OSBPL6: variants seen among roughly 807,000 people sequenced by gnomAD.
OSBPL6 encodes oxysterol binding protein like 6, also known as oxysterol-binding protein-related protein 6.
A neutral mutation model predicts 125.8 loss-of-function variants in OSBPL6; 49 were observed. The ratio of observed to expected loss-of-function variants is 0.39; its 90% CI spans 0.31 to 0.49. The LOEUF (loss-of-function observed/expected upper bound fraction) is 0.49. OSBPL6 is among the 20% of genes least tolerant of loss of function. The pLI is 0.88. For missense variants in OSBPL6, 986 were observed against 1,135.4 expected (o/e 0.87, Z 1.89); for synonymous variants, 394 against 391.8 (o/e 1.01, Z -0.07).
At chr2:178,338,274 G>T (rs935614056) in intron 9 of OSBPL6, among the ~76,000 whole-genome samples, 6 of 149,146 alleles carry the variant, frequency 4.0e-5, no homozygotes, top group African/African-American at 1.5e-4. Flanking sequence ...TTAAAGGTCA[G>T]TTTTTTTTTT....
At chr2:178,290,648 T>G (rs1685171963) in intron 2 of OSBPL6, among the ~76,000 whole-genome samples, 3 of 152,166 alleles carry the variant, frequency 2.0e-5, no homozygotes, top group Admixed American at 2.0e-4. Flanking sequence ...TGACTCTACT[T>G]TTTGATACAA....
Position 178,385,589 on chromosome 2 carries a change from G to A in OSBPL6, c.2077+68G>A, listed in dbSNP as rs143612974. The A allele has an allele frequency of 7.0e-4, 830 of 1,188,926 alleles. 3 individuals carry two copies. The African/African-American group carries it at 0.011, about 16-fold the overall frequency. 73.6% of individuals were successfully genotyped at this position (1,188,926 alleles called of 1,614,324 possible). On this transcript the variant is annotated intron_variant, in intron 19 of 24. Transcript: ENST00000190611. ...ATGAAAAAATATCTGGCTTCCAAAG[G>A]GACACTGTATTCAGTTTAGATTTCT...
At chr2:178,338,076 G>A (rs549361033) in intron 9 of OSBPL6, among the ~76,000 whole-genome samples, 67 of 151,862 alleles carry the variant, frequency 4.4e-4, no homozygotes, top group African/African-American at 1.5e-3. Context: ...TGAGTAGCTG[G>A]GATTACAGGC....
intron 4 of OSBPL6, 72 bp downstream of exon 4, chr2:178,324,341 C>A (rs1688511078): frequency 2.7e-6 from 3 of 1,129,826 alleles, no homozygotes; most frequent in Non-Finnish European, 3.9e-6. Context: ...CTGTGAATAA[C>A]GTTTACACCT....
chr2:178,195,678 G>C (rs1196214303), intron 1 of OSBPL6, among the ~76,000 whole-genome samples: 1 of 152,182 alleles, frequency 6.6e-6, no homozygotes, highest in Non-Finnish European at 1.5e-5. Context: ...GAAACTAAGT[G>C]AACCCACTGG....
chr2:178,384,681 ATCAGATATGCATC>A (rs781098056), intron 18 of OSBPL6, among the ~76,000 whole-genome samples: 3 of 152,154 alleles, frequency 2.0e-5, no homozygotes, highest in Non-Finnish European at 2.9e-5. Context: ...AGAGGAAGTA[ATCAGATATGCATC>A]TCTCTCAGGT....
At chr2:178,361,882 A>T in intron 13 of OSBPL6, 67 bp downstream of exon 13, 1 of 1,585,000 alleles carries the variant, frequency 6.3e-7, no homozygotes, top group Non-Finnish European at 8.6e-7. Flanking sequence ...AAAGATCAAA[A>T]GATGGGGGGC....
intron 15 of OSBPL6, among the ~76,000 whole-genome samples, chr2:178,376,818 G>T (rs1022394530): frequency 3.3e-5 from 5 of 152,122 alleles, no homozygotes; most frequent in Admixed American, 3.3e-4. Flanking sequence ...CAAGGAGAGT[G>T]ACTCTCTCCT....
intron 1 of OSBPL6, among the ~76,000 whole-genome samples, chr2:178,242,862 T>A (rs2091345144): frequency 6.6e-6 from 1 of 152,074 alleles, no homozygotes; most frequent in Non-Finnish European, 1.5e-5. Context: ...AAAATTGTTT[T>A]CACAAGACAG....
chr2:178,333,838 A>G (rs1333337146), intron 8 of OSBPL6, among the ~76,000 whole-genome samples: 2 of 152,216 alleles, frequency 1.3e-5, no homozygotes, highest in East Asian at 3.8e-4. Context: ...CAGCCTATTT[A>G]AGTGGTCAGG....
intron 2 of OSBPL6, among the ~76,000 whole-genome samples, chr2:178,303,271 G>A (rs543377836): frequency 6.6e-6 from 1 of 152,258 alleles, no homozygotes; most frequent in Non-Finnish European, 1.5e-5. Flanking sequence ...CTCCCAGTTT[G>A]GAGGGAAAGT....
rs543279868 is a variant in OSBPL6, at chr2:178,308,602, A to C, written c.102+2316A>C. 3.9e-5 allele frequency among the ~76,000 whole-genome samples: 6 copies of C among 152,298 alleles called. No homozygotes were observed. The South Asian group carries it at 1.2e-3, about 32-fold the overall frequency. ...AACTAATGAATGATTGAGCATTTCT[A>C]CTTAAATGCACTGCCGCTTGAGTGG... On this transcript the variant is annotated intron_variant, in intron 3 of 24. Transcript: ENST00000190611.
intron 1 of OSBPL6, among the ~76,000 whole-genome samples, chr2:178,227,640 G>T (rs564266403): frequency 2.0e-5 from 3 of 151,982 alleles, no homozygotes; most frequent in African/African-American, 7.3e-5. Flanking sequence ...ACGAAATAAC[G>T]GCAACATAGA....
chr2:178,290,102 AT>A lies in OSBPL6; in HGVS notation c.-156+4983del, dbSNP rs376105485. Among the ~76,000 whole-genome samples, 82 of 152,254 alleles carry A rather than the reference AT, an allele frequency of 5.4e-4. 2 individuals carry two copies. The South Asian group carries it at 9.8e-3, about 18-fold the overall frequency. On this transcript the variant is annotated intron_variant, in intron 2 of 24. Transcript: ENST00000190611. Reference sequence around the variant, plus strand: ...CAGCCAATAATCATTGCCTGAATACATTATGTCATTAGGGGTTATAAAAATG... The same window carrying A: ...CAGCCAATAATCATTGCCTGAATACATATGTCATTAGGGGTTATAAAAATG...
chr2:178,285,465 C>T (rs1055981483), intron 2 of OSBPL6, among the ~76,000 whole-genome samples: 2 of 152,126 alleles, frequency 1.3e-5, no homozygotes, highest in African/African-American at 2.4e-5. Flanking sequence ...TCCTTGCTTT[C>T]TTTATACACA....
chr2:178,259,515 A>G (rs2091990638), intron 1 of OSBPL6, among the ~76,000 whole-genome samples: 1 of 152,234 alleles, frequency 6.6e-6, no homozygotes, highest in African/African-American at 2.4e-5. Context: ...TCAACAGTCG[A>G]ATTGGATCCA....
At position 178,392,461 on chromosome 2, in the gene OSBPL6, T is replaced by C. The variant is rs775754441; in HGVS notation, c.2496T>C (p.Ala832=). 1 of 1,614,132 alleles carries C rather than the reference T, an allele frequency of 6.2e-7. No homozygotes were observed. The highest frequency in any genetic ancestry group is 1.1e-5 in the South Asian group (1 of 91,078). The part of the protein sequence containing the change: ...YELYYGFTRF[A]IELNELDPVL... ...TGTACTATGGCTTCACAAGGTTTGC[T>C]ATTGAGCTCAATGAGTTAGATCCAG... Residue 832 remains alanine, a synonymous_variant, in exon 23 of 25, where the codon GCT becomes GCC. Transcript: ENST00000190611.
intron 12 of OSBPL6, among the ~76,000 whole-genome samples, chr2:178,360,419 C>T (rs553005209): frequency 5.2e-4 from 79 of 152,174 alleles, no homozygotes; most frequent in African/African-American, 1.8e-3. Context: ...TAATTTGTTC[C>T]ACCACAGTAA....
At chr2:178,290,617 C>A (rs1256056623) in intron 2 of OSBPL6, among the ~76,000 whole-genome samples, 1 of 152,090 alleles carries the variant, frequency 6.6e-6, no homozygotes, top group African/African-American at 2.4e-5. Flanking sequence ...CCCAAAGCAT[C>A]CCTGGTCCTA....
Sources: gnomAD v4.1 joint callset for allele counts (sites outside exome capture counted in the v4.1 genomes callset) on GRCh38, gnomAD v4.1.1 for gene constraint, MANE v1.5 for transcripts, NCBI Gene and HGNC (gene_info 2026-07-23, HGNC 2026-07-21) for gene names.